The following PTPRZ1 variants were observed in gnomAD, a reference collection of about 807,000 sequenced individuals.
PTPRZ1 encodes protein tyrosine phosphatase receptor type Z1.
In PTPRZ1, 82 loss-of-function variants were observed where a neutral mutation model predicts 214.1. The observed-to-expected ratio is 0.38, with a 90% CI of 0.32 to 0.46. The LOEUF (loss-of-function observed/expected upper bound fraction) is 0.46, where lower values mean the gene tolerates loss of function less well. PTPRZ1 is among the 20% of genes least tolerant of loss of function. The pLI, the probability that PTPRZ1 is intolerant of heterozygous loss-of-function variation, is 1.00. For missense variants in PTPRZ1, 2,603 were observed against 2,748.7 expected, an observed-to-expected ratio of 0.95 and a Z score of 1.19; for synonymous variants, 945 against 987.9, an observed-to-expected ratio of 0.96 and a Z score of 0.81.
intron 1 of PTPRZ1, among the ~76,000 whole-genome samples, chr7:121,887,166 C>A (rs956643469): frequency 6.6e-6 from 1 of 152,142 alleles, no homozygotes; most frequent in Non-Finnish European, 1.5e-5. Flanking sequence ...ACTGTATCTT[C>A]AAGGAGTCTG....
At chr7:121,910,766 A>G (rs1443239905) in intron 1 of PTPRZ1, among the ~76,000 whole-genome samples, 2 of 152,144 alleles carry the variant, frequency 1.3e-5, no homozygotes, top group Non-Finnish European at 2.9e-5. Flanking sequence ...AATGGAGAGA[A>G]GTGAATGAAT....
chr7:121,879,978 G>A (rs1422679816), intron 1 of PTPRZ1, among the ~76,000 whole-genome samples: 1 of 152,112 alleles, frequency 6.6e-6, no homozygotes, highest in African/African-American at 2.4e-5. Context: ...GCACCTTGAT[G>A]AAAAGTTTGA....
chr7:121,977,716 T>A (rs1319718128), intron 6 of PTPRZ1, among the ~76,000 whole-genome samples: 3 of 152,130 alleles, frequency 2.0e-5, no homozygotes, highest in South Asian at 4.1e-4. Context: ...TTTATTTTTT[T>A]TTTTTTTTTA....
chr7:121,874,312 C>T (rs1386961000), intron 1 of PTPRZ1, among the ~76,000 whole-genome samples: 1 of 152,200 alleles, frequency 6.6e-6, no homozygotes, highest in East Asian at 1.9e-4. Flanking sequence ...TCAGCAATAG[C>T]CAGTTTAAGC....
At chr7:121,924,525 A>C (rs1034686316) in intron 1 of PTPRZ1, among the ~76,000 whole-genome samples, 1 of 152,206 alleles carries the variant, frequency 6.6e-6, no homozygotes. Context: ...ACACCTGGGA[A>C]TCTTGTATTG....
chr7:121,890,593 A>G (rs548719839), intron 1 of PTPRZ1, among the ~76,000 whole-genome samples: 31 of 152,242 alleles, frequency 2.0e-4, no homozygotes, highest in African/African-American at 6.7e-4. Flanking sequence ...TAAAAGCCAA[A>G]ATCTCTACTC....
intron 1 of PTPRZ1, among the ~76,000 whole-genome samples, chr7:121,892,093 C>T (rs928603627): frequency 3.9e-5 from 6 of 152,036 alleles, no homozygotes; most frequent in African/African-American, 9.7e-5. Context: ...TATGTCTTAG[C>T]GCTTATAGTT....
intron 2 of PTPRZ1, among the ~76,000 whole-genome samples, chr7:121,940,342 G>A (rs1276220873): frequency 6.6e-6 from 1 of 152,224 alleles, no homozygotes; most frequent in Admixed American, 6.5e-5. Context: ...GAGGGGTACA[G>A]CTTCAAGTTG....
At position 121,873,186 on chromosome 7, in the gene PTPRZ1, A is replaced by G. The variant is rs919065685; in HGVS notation, c.-314A>G. ...AGACCGCGGCCGCCGCAGCCGGCGA[A>G]AGAGGCAAAGTCCCGCACGCCGGAG... On this transcript the variant is annotated 5_prime_UTR_variant, in exon 1 of 30. Transcript: ENST00000393386. The G allele has an allele frequency of 7.3e-6, 3 of 410,850 alleles. No individual in the cohort carries two copies. The highest frequency in any genetic ancestry group is 6.2e-5 in the African/African-American group (3 of 48,676). 25.5% of individuals were successfully genotyped at this position (410,850 alleles called of 1,614,324 possible). A position where few individuals can be genotyped will look rare whatever the true frequency, so the allele number is the denominator to read the frequency against.
intron 23 of PTPRZ1, among the ~76,000 whole-genome samples, chr7:122,051,225 C>T (rs1327225886): frequency 2.6e-5 from 4 of 152,040 alleles, no homozygotes. Context: ...TTGTAACTCC[C>T]CTGGTGTAAA....
chr7:121,893,757 A>T (rs1794707677), intron 1 of PTPRZ1, among the ~76,000 whole-genome samples: 2 of 152,196 alleles, frequency 1.3e-5, no homozygotes, highest in African/African-American at 4.8e-5. Context: ...TGCATTCATG[A>T]ATATTCTTAC....
At position 121,928,191 on chromosome 7, in the gene PTPRZ1, C is replaced by G. The variant is rs752573366; in HGVS notation, c.94C>G (p.Leu32Val). ...ANGYYRQQRK[L>V]VEEIGWSYTG... ...TGGATACTACAGACAACAGAGAAAACTTGTTGAAGAGATTGGCTGGTCCTA... is the reference window on the plus strand; with the variant it reads ...TGGATACTACAGACAACAGAGAAAAGTTGTTGAAGAGATTGGCTGGTCCTA... The change falls in exon 2 of 30, where the codon CTT becomes GTT. Residue 32 changes from leucine to valine, a missense_variant. By Grantham distance (32) the Leu-to-Val change is conservative (BLOSUM62 1). This residue lies in a region of PTPRZ1 where 141 missense variants were observed against 143.7 expected (regional missense o/e 0.98). Transcript: ENST00000393386. The G allele has an allele frequency of 3.1e-6, 5 of 1,612,236 alleles. No homozygotes were observed. In the Admixed American group the frequency reaches 5.0e-5, roughly 16 times the overall value.
At chr7:122,025,320 CT>C (rs962120901) in intron 13 of PTPRZ1, among the ~76,000 whole-genome samples, 5 of 144,638 alleles carry the variant, frequency 3.5e-5, no homozygotes, top group Non-Finnish European at 6.1e-5. Flanking sequence ...ACAGTCTTTT[CT>C]TTTTTTTTCT....
chr7:122,018,820 A>G (rs1253821160), intron 12 of PTPRZ1, among the ~76,000 whole-genome samples: 2 of 152,070 alleles, frequency 1.3e-5, no homozygotes, highest in Non-Finnish European at 2.9e-5. Flanking sequence ...AAATTACACT[A>G]CTTTGATTTT....
intron 1 of PTPRZ1, among the ~76,000 whole-genome samples, chr7:121,910,093 C>G: frequency 6.6e-6 from 1 of 152,228 alleles, no homozygotes; most frequent in Non-Finnish European, 1.5e-5. Flanking sequence ...CCTGCCTGCT[C>G]TCAGCTTCAG....
chr7:121,891,451 C>CTTTTTTTTTTTTTTTTTTTTTTTTTTT lies in PTPRZ1; in HGVS notation c.58+17898_58+17924dup, dbSNP rs58135453. Among the ~76,000 whole-genome samples the CTTTTTTTTTTTTTTTTTTTTTTTTTTT allele has an allele frequency of 5.6e-4, 20 of 35,756 alleles. 1 individual carries two copies. The highest frequency in any genetic ancestry group is 0.018 in the Middle Eastern group (1 of 56). 23.5% of individuals were successfully genotyped at this position (35,756 alleles called of 152,430 possible). On this transcript the variant is annotated intron_variant, in intron 1 of 29. Transcript: ENST00000393386. ...AAATATTTGTTGAATAAAACAACCT[C>CTTTTTTTTTTTTTTTTTTTTTTTTTTT]TTTTTTTTTTTTTTTTTTTTTTTTT...
chr7:122,028,474 C>G, intron 13 of PTPRZ1, 78 bp from the exon 14 acceptor site: 2 of 1,095,726 alleles, frequency 1.8e-6, no homozygotes, highest in Non-Finnish European at 1.4e-6. Context: ...AGATTTCTAT[C>G]AAAATTTTCA....
At chr7:121,979,844 CACAA>C (rs1025484630) in intron 6 of PTPRZ1, among the ~76,000 whole-genome samples, 4 of 152,062 alleles carry the variant, frequency 2.6e-5, no homozygotes, top group Non-Finnish European at 5.9e-5. Context: ...AAACCACAAA[CACAA>C]ACAAAGGAAA....
chr7:121,873,638 TGCC>T (rs747244152), intron 1 of PTPRZ1, 81 bp downstream of exon 1: 68 of 1,512,460 alleles, frequency 4.5e-5, no homozygotes, highest in Middle Eastern at 1.8e-4. Context: ...GTCCGCGACT[TGCC>T]GCCGCCGCCG....
Sources: allele counts gnomAD v4.1 joint callset (sites outside exome capture counted in the v4.1 genomes callset), GRCh38; gene constraint gnomAD v4.1.1; regional missense constraint gnomAD v4.1.1; transcripts MANE v1.5; gene names NCBI Gene and HGNC (gene_info 2026-07-23, HGNC 2026-07-21).